ARRDC3: variants seen among roughly 807,000 people sequenced by gnomAD.
The protein encoded by ARRDC3 is arrestin domain-containing protein 3.
ARRDC3 carries 10 observed loss-of-function variants against 47.2 expected under a neutral mutation model. That is an observed-to-expected ratio of 0.21 (90% CI 0.13 to 0.36). ARRDC3 has a LOEUF of 0.36. Ranked by LOEUF, ARRDC3 falls within the 10% of genes least tolerant of loss-of-function variation. The pLI is 1.00. For missense variants in ARRDC3, 381 were observed against 503.6 expected (o/e 0.76, Z 2.33); for synonymous variants, 156 against 178.3 (o/e 0.87, Z 1.00).
chr5:91,374,015 A>G (rs1799242020), intron 6 of ARRDC3, 99 bp downstream of exon 6: 1 of 1,460,588 alleles, frequency 6.8e-7, no homozygotes, highest in Non-Finnish European at 9.3e-7. Flanking sequence ...TCTTTAGGAA[A>G]AGATTATGTT....
chr5:91,375,333 G>A, intron 4 of ARRDC3, 155 bp from the exon 5 acceptor site: 2 of 935,326 alleles, frequency 2.1e-6, no homozygotes, highest in South Asian at 1.8e-5. Context: ...GAACTAATCA[G>A]TAGCTATTTG....
Position 91,373,705 on chromosome 5 carries a change from C to T in ARRDC3, c.1167G>A (p.Leu389=). The T allele has an allele frequency of 6.2e-7, 1 of 1,613,696 alleles. No homozygotes were observed. The highest frequency in any genetic ancestry group is 8.5e-7 in the Non-Finnish European group (1 of 1,179,738). The change falls in exon 7 of 8, where the codon TTG becomes TTA. Residue 389 remains leucine, a synonymous_variant. Coordinates refer to ENST00000265138, the MANE Select transcript of ARRDC3 (RefSeq NM_020801.4). ...TTACCTCTGAATAAAGAGGTGGAGG[C>T]AAGAATCGAAACTCCTGGATATATG... The part of the protein sequence containing the change: ...LFAYIQEFRF[L]PPPLYSEIDP...
Position 91,371,348 on chromosome 5 carries a change from G to T in ARRDC3, c.*52C>A. 6.7e-7 allele frequency: 1 copy of T among 1,485,482 alleles called. No individual in the cohort carries two copies. Among genetic ancestry groups the T allele is most frequent in the Non-Finnish European group, 9.4e-7 (1 of 1,068,040 alleles). The allele number at this position is 1,485,482 out of a possible 1,614,324, so 92.0% of individuals were successfully genotyped here. On this transcript the variant is annotated 3_prime_UTR_variant, in exon 8 of 8. Coordinates refer to ENST00000265138, the MANE Select transcript of ARRDC3 (RefSeq NM_020801.4). ...CCAAGATACTTCTCTGTCCTCAGCCGGAAGAGATACAGTTCGGAACCCACA... is the reference window on the plus strand; with the variant it reads ...CCAAGATACTTCTCTGTCCTCAGCCTGAAGAGATACAGTTCGGAACCCACA...
chr5:91,379,869 T>C (rs1461446744), intron 1 of ARRDC3: 1 of 152,180 alleles, frequency 6.6e-6, no homozygotes, highest in Non-Finnish European at 1.5e-5. Flanking sequence ...AAAAAGCATG[T>C]ATACGTCGAT....
At chr5:91,375,454 T>C (rs1397006012) in intron 4 of ARRDC3, 57 bp downstream of exon 4, 3 of 1,194,280 alleles carry the variant, frequency 2.5e-6, no homozygotes, top group Non-Finnish European at 3.6e-6. Flanking sequence ...TATTATAAAT[T>C]TAAACACAAA....
At chr5:91,381,429 C>G (rs1799456129) in intron 1 of ARRDC3, among the ~76,000 whole-genome samples, 1 of 152,102 alleles carries the variant, frequency 6.6e-6, no homozygotes, top group Non-Finnish European at 1.5e-5. Context: ...TCAACAAATA[C>G]CAAGGCTGTC....
rs1470613292 is a variant in ARRDC3 at position 91,375,589 on chromosome 5, T to C, written c.535A>G (p.Lys179Glu). 6.2e-7 allele frequency: 1 copy of C among 1,610,004 alleles called. No homozygotes were observed. Among genetic ancestry groups the C allele is most frequent in the Admixed American group, 1.7e-5 (1 of 59,778 alleles). Reference protein sequence around the residue: ...LLSPQAGTKEKTLCCWFCTSG... With the variant: ...LLSPQAGTKEETLCCWFCTSG... ...GTACAGAACCAGCAACAGAGTGTCT[T>C]TTCTTTTGTGCCTGCTTGGGGTGAC... Residue 179 changes from lysine (K) to glutamate (E), a missense_variant, in exon 4 of 8, where the codon AAG (lysine) becomes GAG (glutamate). Physicochemically the swap from Lys to Glu is moderately conservative, Grantham distance 56. Coordinates refer to ENST00000265138, the MANE Select transcript of ARRDC3 (RefSeq NM_020801.4).
intron 2 of ARRDC3, among the ~76,000 whole-genome samples, chr5:91,378,336 G>C (rs958941855): frequency 1.3e-5 from 2 of 152,036 alleles, no homozygotes; most frequent in Non-Finnish European, 1.5e-5. Context: ...AAGCTACTAA[G>C]ACTTGATAGG....
intron 2 of ARRDC3, among the ~76,000 whole-genome samples, chr5:91,378,340 T>C (rs1321638761): frequency 6.6e-6 from 1 of 152,136 alleles, no homozygotes; most frequent in Non-Finnish European, 1.5e-5. Context: ...TACTAAGACT[T>C]GATAGGGTCT....
chr5:91,375,161 A>C lies in ARRDC3; in HGVS notation c.631T>G (p.Phe211Val). ...GYTPGESIQIFAEIENCSSRM... is the reference protein window; with the variant it reads ...GYTPGESIQIVAEIENCSSRM... ...GAAGAGCAGTTCTCAATCTCAGCAA[A>C]TATCTGAATTGATTCACCTAGAGAG... is the stretch of plus-strand genomic sequence containing the variant. Residue 211 changes from phenylalanine (F) to valine (V), a missense_variant, in exon 5 of 8, where the codon TTT (phenylalanine) becomes GTT (valine). Phe to Val is a conservative substitution (Grantham distance 50). Transcript: ENST00000265138. 6.2e-7 allele frequency: 1 copy of C among 1,613,434 alleles called. No homozygotes were observed. The highest frequency in any genetic ancestry group is 8.5e-7 in the Non-Finnish European group (1 of 1,179,920).
chr5:91,375,235 C>A, intron 4 of ARRDC3, 57 bp from the exon 5 acceptor site: 1 of 1,538,776 alleles, frequency 6.5e-7, no homozygotes, highest in South Asian at 1.2e-5. Flanking sequence ...CAAAAGAAGT[C>A]AAGATTCTTA....
At chr5:91,382,723 CT>C in intron 1 of ARRDC3, 89 bp downstream of exon 1, 1 of 1,357,772 alleles carries the variant, frequency 7.4e-7, no homozygotes, top group Non-Finnish European at 1.0e-6. Context: ...CTTAGTTATG[CT>C]AGGAGTAGAA....
At position 91,382,815 on chromosome 5, in the gene ARRDC3, C is replaced by G; in HGVS notation, c.278G>C (p.Arg93Thr). ...ACTTATGAATAACAAAAACTTACCT[C>G]TTTCGTGCCCAATTAAGATGTCTTT... The part of the protein sequence containing the change: ...NHKDILIGHE[R>T]DDDNSEEGFH... Residue 93 changes from arginine (R) to threonine (T), a missense_variant and splice_region_variant, in exon 1 of 8, where the codon AGA becomes ACA. By Grantham distance (71) the Arg-to-Thr change is moderately conservative (BLOSUM62 -1). Coordinates refer to ENST00000265138, the MANE Select transcript of ARRDC3 (RefSeq NM_020801.4). 1 of 1,609,854 alleles carries G rather than the reference C, an allele frequency of 6.2e-7. No homozygotes were observed. The highest frequency in any genetic ancestry group is 8.5e-7 in the Non-Finnish European group (1 of 1,178,002).
At chr5:91,379,431 A>G (rs1432209088) in intron 1 of ARRDC3, among the ~76,000 whole-genome samples, 2 of 152,146 alleles carry the variant, frequency 1.3e-5, no homozygotes, top group African/African-American at 2.4e-5. Flanking sequence ...AACGACTAAA[A>G]CTTGCATAAA....
intron 3 of ARRDC3, among the ~76,000 whole-genome samples, chr5:91,376,280 G>A (rs1799301432): frequency 6.6e-6 from 1 of 152,068 alleles, no homozygotes; most frequent in Non-Finnish European, 1.5e-5. Flanking sequence ...AAGTGATATT[G>A]TATTATAATA....
intron 2 of ARRDC3, 28 bp from the exon 3 acceptor site, chr5:91,376,796 T>G: frequency 6.3e-7 from 1 of 1,576,946 alleles, no homozygotes; most frequent in Non-Finnish European, 8.6e-7. Flanking sequence ...GTCAATATAT[T>G]AATTTTATAC....
chr5:91,375,646 T>C (rs1799283808), intron 3 of ARRDC3, 33 bp from the exon 4 acceptor site: 1 of 1,457,586 alleles, frequency 6.9e-7, no homozygotes, highest in Non-Finnish European at 9.6e-7. Flanking sequence ...AAAAGGTCAG[T>C]GTATGGATTG....
Position 91,376,831 on chromosome 5 carries a change from G to A in ARRDC3, c.363-63C>T, listed in dbSNP as rs1042984779. 1.0e-5 allele frequency: 15 copies of A among 1,456,906 alleles called. No individual in the cohort carries two copies. In the African/African-American group the frequency reaches 1.9e-4, roughly 18 times the overall value. The allele number at this position is 1,456,906 out of a possible 1,614,324, so 90.2% of individuals were successfully genotyped here. ...CCTCTTTCTAACAATTACACAGTAGGTCAGAATAGAAGTGTTAATATATTG... is the reference window on the plus strand; with the variant it reads ...CCTCTTTCTAACAATTACACAGTAGATCAGAATAGAAGTGTTAATATATTG... On this transcript the variant is annotated intron_variant, in intron 2 of 7. Coordinates refer to ENST00000265138, the MANE Select transcript of ARRDC3 (RefSeq NM_020801.4).
Position 91,373,853 on chromosome 5 carries a change from T to TAC in ARRDC3, c.1034-17_1034-16dup. The TAC allele has an allele frequency of 1.2e-6, 2 of 1,613,658 alleles. No individual in the cohort carries two copies. The highest frequency in any genetic ancestry group is 1.7e-6 in the Non-Finnish European group (2 of 1,179,646). On this transcript the variant is annotated splice_polypyrimidine_tract_variant and intron_variant, in intron 6 of 7. Coordinates refer to ENST00000265138, the MANE Select transcript of ARRDC3 (RefSeq NM_020801.4). ...GCTGGGTGGTGCTGAAGGAAAAAGA[T>TAC]ACACGCAATTCGAACAGCATGTTCT... is the stretch of plus-strand genomic sequence containing the variant.
Sources: gnomAD v4.1 joint callset for allele counts (sites outside exome capture counted in the v4.1 genomes callset) on GRCh38, gnomAD v4.1.1 for gene constraint, MANE v1.5 for transcripts, NCBI Gene and HGNC (gene_info 2026-07-23, HGNC 2026-07-21) for gene names.